ZNF275: variants seen among roughly 807,000 people sequenced by gnomAD.
ZNF275 encodes the protein zinc finger protein 275.
ZNF275 carries 4 observed loss-of-function variants against 4.3 expected under a neutral mutation model. The ratio of observed to expected loss-of-function variants is 0.93; its 90% CI spans 0.46 to 2.13. ZNF275 has a LOEUF of 2.13. ZNF275 is among the 30% of genes most tolerant of loss of function. The pLI is 0.02. For synonymous variants in ZNF275, 173 were observed against 166.9 expected (o/e 1.04, Z -0.28); for missense variants, 352 against 397.1 (o/e 0.89, Z 0.97).
chrX:153,347,806 T>C lies in ZNF275; in HGVS notation c.1121T>C (p.Leu374Pro). Residue 374 changes from leucine to proline, a missense_variant, in exon 4 of 4, where the codon CTG (leucine) becomes CCG (proline). Physicochemically the swap from Leu to Pro is moderately conservative, Grantham distance 98 (BLOSUM62 -3). Coordinates refer to ENST00000650114, the MANE Select transcript of ZNF275 (RefSeq NM_001367757.1). ...LIKHRRIHSG[L>P]KPYECDKCGK... is the part of the protein sequence containing the mutation. ...AAGCACCGGCGCATCCACAGCGGAC[T>C]GAAACCCTATGAGTGCGACAAATGC... 1 of 1,208,694 alleles carries C rather than the reference T, an allele frequency of 8.3e-7. No homozygotes were observed. The highest frequency in any genetic ancestry group is 1.1e-6 in the Non-Finnish European group (1 of 893,825).
At chrX:153,336,548 G>T in intron 1 of ZNF275, 86 bp from the exon 2 acceptor site, 1 of 654,839 alleles carries the variant, frequency 1.5e-6, no homozygotes, top group Non-Finnish European at 2.4e-6. Context: ...GCCCAGTTCA[G>T]TACATCCCCC....
rs2124220051 is a variant in ZNF275, at chrX:153,350,311, G to C, written c.*2336G>C. 1 of 124,035 alleles carries C rather than the reference G, an allele frequency of 8.1e-6. No individual in the cohort carries two copies. Among genetic ancestry groups the C allele is most frequent in the African/African-American group, 3.2e-5 (1 of 31,077 alleles). The allele number at this position is 124,035 out of a possible 1,213,427, so 10.2% of individuals were successfully genotyped here. A position where few individuals can be genotyped will look rare whatever the true frequency, so the allele number is the denominator to read the frequency against. ...TATGCTGATAGAAGCTGGCAGCACT[G>C]CCCTGGGCTATGATTTGCAACAGCC... is the stretch of plus-strand genomic sequence containing the variant. On this transcript the variant is annotated 3_prime_UTR_variant, in exon 4 of 4. Coordinates refer to ENST00000650114, the MANE Select transcript of ZNF275 (RefSeq NM_001367757.1).
rs782654309 is a variant in ZNF275 at position 153,346,871 on chromosome X, G to A, written c.186G>A (p.Gln62=). Residue 62 remains glutamine, a synonymous_variant, in exon 4 of 4, where the codon CAG becomes CAA. Transcript: ENST00000650114. ...TGAAGGGGGAAGATGCCCAGCCACA[G>A]GAGATGGCGTCCACAAGCTTCCCAA... is the stretch of plus-strand genomic sequence containing the variant. ...HQMKGEDAQP[Q]EMASTSFPRA... The A allele has an allele frequency of 8.3e-7, 1 of 1,208,814 alleles. No homozygotes were observed. The highest frequency in any genetic ancestry group is 1.8e-5 in the South Asian group (1 of 56,597).
Position 153,349,512 on chromosome X carries a change from A to G in ZNF275, c.*1537A>G, listed in dbSNP as rs375769875. 4.0e-5 allele frequency: 5 copies of G among 123,645 alleles called. No individual in the cohort carries two copies. The highest frequency in any genetic ancestry group is 1.6e-4 in the African/African-American group (5 of 30,992). The allele number at this position is 123,645 out of a possible 1,213,427, so 10.2% of individuals were successfully genotyped here. On this transcript the variant is annotated 3_prime_UTR_variant, in exon 4 of 4. Transcript: ENST00000650114. ...AACTTTATGTAGCAGTTCTTTCTAT[A>G]TTGATGGTGATGTTCTCTTTTCCAA...
rs782806928 is a variant in ZNF275 at position 153,347,370 on chromosome X, A to G, written c.685A>G (p.Lys229Glu). Residue 229 changes from lysine (K) to glutamate (E), a missense_variant, in exon 4 of 4, where the codon AAA (lysine) becomes GAA (glutamate). Physicochemically the swap from Lys to Glu is moderately conservative, Grantham distance 56. Coordinates refer to ENST00000650114, the MANE Select transcript of ZNF275 (RefSeq NM_001367757.1). ...CAACACCCACCTCTTCCGACATCAGAAACTTCACACTTCGGAAAAGCCTTT... is the reference window on the plus strand; with the variant it reads ...CAACACCCACCTCTTCCGACATCAGGAACTTCACACTTCGGAAAAGCCTTT... The part of the protein sequence containing the change: ...KVNTHLFRHQ[K>E]LHTSEKPFAC... 1.6e-6 allele frequency: 2 copies of G among 1,212,295 alleles called. No individual in the cohort carries two copies. The highest frequency in any genetic ancestry group is 3.4e-5 in the African/African-American group (2 of 57,997).
chrX:153,336,568 G>C, intron 1 of ZNF275, 66 bp from the exon 2 acceptor site: 1 of 778,888 alleles, frequency 1.3e-6, no homozygotes, highest in Non-Finnish European at 1.9e-6. Context: ...CAAAATGTGG[G>C]GGACATGTTC....
chrX:153,334,709 C>G lies in ZNF275; in HGVS notation c.-47+424C>G, dbSNP rs2124199798. On this transcript the variant is annotated intron_variant, in intron 1 of 3. Transcript: ENST00000650114. ...AGAGAAAGGACCCCTGCCCCTAGCTCCTAGGAGCCCGATCTGGAGGGGGCA... is the reference window on the plus strand; with the variant it reads ...AGAGAAAGGACCCCTGCCCCTAGCTGCTAGGAGCCCGATCTGGAGGGGGCA... Among the ~76,000 whole-genome samples the G allele has an allele frequency of 2.7e-5, 3 of 109,865 alleles. No homozygotes were observed. In the East Asian group the frequency reaches 8.7e-4, roughly 32 times the overall value.
rs971599176 is a variant in ZNF275 at position 153,334,181 on chromosome X, G to C, written c.-151G>C. On this transcript the variant is annotated 5_prime_UTR_variant, in exon 1 of 4. Coordinates refer to ENST00000650114, the MANE Select transcript of ZNF275 (RefSeq NM_001367757.1). ...AACGCGCCGCGGGGCTGTTAGCTCG[G>C]CTGGGCACGGGCGGCTCCGTGGCGC... is the stretch of plus-strand genomic sequence containing the variant. The C allele has an allele frequency of 1.7e-3, 190 of 111,460 alleles. 1 individual carries two copies. The highest frequency in any genetic ancestry group is 5.7e-3 in the African/African-American group (177 of 30,820). 9.2% of individuals were successfully genotyped at this position (111,460 alleles called of 1,213,427 possible).
Position 153,336,711 on chromosome X carries a change from G to A in ZNF275, c.31+1G>A. On this transcript the variant is annotated splice_donor_variant, in intron 2 of 3. Transcript: ENST00000650114. LOFTEE classifies it high-confidence loss of function. ...AGTCATCCGTGTGTGTCTCTTTTGG[G>A]TAAGTCTGGGTGTTTATGCATGGTG... The A allele has an allele frequency of 8.6e-7, 1 of 1,167,334 alleles. No homozygotes were observed. The highest frequency in any genetic ancestry group is 1.9e-5 in the South Asian group (1 of 52,681).
At chrX:153,337,117 G>C (rs2088451374) in intron 2 of ZNF275, among the ~76,000 whole-genome samples, 1 of 111,461 alleles carries the variant, frequency 9.0e-6, no homozygotes, top group African/African-American at 3.3e-5. Flanking sequence ...TTCTGCTCCA[G>C]GTCTTTATTT....
intron 2 of ZNF275, among the ~76,000 whole-genome samples, chrX:153,342,796 G>C (rs917333640): frequency 1.1e-4 from 12 of 112,413 alleles, no homozygotes; most frequent in African/African-American, 3.6e-4. Flanking sequence ...GCATGCATGG[G>C]CCTAGTAGTC....
rs2088534616 is a variant in ZNF275 at position 153,348,309 on chromosome X, AAC to A, written c.*340_*341del. 1 of 131,226 alleles carries A rather than the reference AAC, an allele frequency of 7.6e-6. No homozygotes were observed. Among genetic ancestry groups the A allele is most frequent in the Non-Finnish European group, 1.7e-5 (1 of 58,186 alleles). The allele number at this position is 131,226 out of a possible 1,213,427, so 10.8% of individuals were successfully genotyped here. A position where few individuals can be genotyped will look rare whatever the true frequency, so the allele number is the denominator to read the frequency against. Reference sequence around the variant, plus strand: ...CTCCAAGCTCCCCCCGCCCCAGAGAAACACACAGAGCTGTTCCACGATGGCGT... The same window carrying A: ...CTCCAAGCTCCCCCCGCCCCAGAGAAACACAGAGCTGTTCCACGATGGCGT... On this transcript the variant is annotated 3_prime_UTR_variant, in exon 4 of 4. Transcript: ENST00000650114.
At position 153,347,147 on chromosome X, in the gene ZNF275, G is replaced by A. The variant is rs782281241; in HGVS notation, c.462G>A (p.Ala154=). The A allele has an allele frequency of 6.6e-6, 8 of 1,208,222 alleles. No individual in the cohort carries two copies. Among genetic ancestry groups the A allele is most frequent in the Middle Eastern group, 2.3e-4 (1 of 4,359 alleles). The change falls in exon 4 of 4, where the codon GCG becomes GCA. Residue 154 remains alanine, a synonymous_variant. Coordinates refer to ENST00000650114, the MANE Select transcript of ZNF275 (RefSeq NM_001367757.1). The part of the protein sequence containing the change: ...FNEHRKSHVA[A]EPQPGPSRAL... ...AGCACAGGAAAAGCCACGTAGCTGC[G>A]GAGCCCCAGCCCGGCCCCAGTAGGG...
In ZNF275 at chrX:153,347,189, G is replaced by C. The variant is rs781844061; in HGVS notation, c.504G>C (p.Ala168=). The change falls in exon 4 of 4, where the codon GCG becomes GCC. Residue 168 remains alanine (A), a synonymous_variant. Transcript: ENST00000650114. ...PGPSRALENA[A]EKREQMEREA... The stretch of plus-strand genomic sequence containing the variant: ...CCAGTAGGGCCCTGGAGAATGCCGC[G>C]GAGAAGAGGGAGCAGATGGAGAGGG... The C allele has an allele frequency of 8.3e-7, 1 of 1,209,912 alleles. No homozygotes were observed. Among genetic ancestry groups the C allele is most frequent in the Non-Finnish European group, 1.1e-6 (1 of 894,340 alleles).
chrX:153,351,248 T>A lies in ZNF275; in HGVS notation c.*3273T>A, dbSNP rs1474931019. ...ACCCGTGTTCTCTTTCAATGCAGTC[T>A]GTGGCTTTAACGTGTGTCCTGTAAT... On this transcript the variant is annotated 3_prime_UTR_variant, in exon 4 of 4. Transcript: ENST00000650114. The A allele has an allele frequency of 1.6e-5, 2 of 123,963 alleles. No individual in the cohort carries two copies. The highest frequency in any genetic ancestry group is 5.5e-4 in the East Asian group (2 of 3,605). The allele number at this position is 123,963 out of a possible 1,213,427, so 10.2% of individuals were successfully genotyped here.
chrX:153,346,309 GA>G (rs2088514766), intron 3 of ZNF275, among the ~76,000 whole-genome samples: 1 of 109,852 alleles, frequency 9.1e-6, no homozygotes, highest in African/African-American at 3.3e-5. Context: ...TCTTGACGGT[GA>G]GGTTAGGGTT....
At chrX:153,336,272 C>T (rs2088445148) in intron 1 of ZNF275, among the ~76,000 whole-genome samples, 1 of 112,891 alleles carries the variant, frequency 8.9e-6, no homozygotes, top group Admixed American at 9.3e-5. Context: ...ACAAATACCC[C>T]AAGAGAGACA....
intron 2 of ZNF275, 114 bp downstream of exon 2, chrX:153,336,824 G>C: frequency 2.5e-6 from 2 of 787,174 alleles, no homozygotes; most frequent in Non-Finnish European, 3.7e-6. Context: ...GGTTCCGGAA[G>C]CACTTATATT....
chrX:153,341,162 A>G (rs1432775029), intron 2 of ZNF275, among the ~76,000 whole-genome samples: 1 of 112,344 alleles, frequency 8.9e-6, no homozygotes, highest in Non-Finnish European at 1.9e-5. Flanking sequence ...CAGCCTGACA[A>G]TCTCTGCCTT....
Sources: allele counts gnomAD v4.1 joint callset (sites outside exome capture counted in the v4.1 genomes callset), GRCh38; gene constraint gnomAD v4.1.1; transcripts MANE v1.5; gene names NCBI Gene and HGNC (gene_info 2026-07-23, HGNC 2026-07-21).